Variants in SDK1 observed in about 807,000 individuals in gnomAD.
SDK1 encodes sidekick cell adhesion molecule 1, also known as protein sidekick-1.
In SDK1, 157 loss-of-function variants were observed where a neutral mutation model predicts 245.5. The ratio of observed to expected loss-of-function variants is 0.64; its 90% CI spans 0.56 to 0.73. The LOEUF is 0.73. Ranked by LOEUF, SDK1 falls within the 30% of genes least tolerant of loss-of-function variation. The pLI is 0.00. For missense variants in SDK1, 3,583 were observed against 3,002.3 expected (o/e 1.19, Z -4.52); for synonymous variants, 1,647 against 1,278.5 (o/e 1.29, Z -6.15).
intron 40 of SDK1, among the ~76,000 whole-genome samples, chr7:4,223,105 A>G (rs1381529608): frequency 6.6e-6 from 1 of 151,840 alleles, no homozygotes; most frequent in African/African-American, 2.4e-5. Context: ...AAAAGTTTCT[A>G]GAAGGCACTT....
chr7:3,957,483 A>G (rs1440559226), intron 7 of SDK1, among the ~76,000 whole-genome samples: 2 of 152,230 alleles, frequency 1.3e-5, no homozygotes, highest in Middle Eastern at 3.2e-3. Flanking sequence ...TTCTAAAAAG[A>G]AAACGCTCAA....
intron 1 of SDK1, among the ~76,000 whole-genome samples, chr7:3,313,807 A>C (rs1779603715): frequency 6.6e-6 from 1 of 152,256 alleles, no homozygotes; most frequent in Non-Finnish European, 1.5e-5. Context: ...AGTAAATTTT[A>C]AGTATTCCTA....
At chr7:4,248,003 G>T (rs370398620) in intron 44 of SDK1, among the ~76,000 whole-genome samples, 8 of 152,130 alleles carry the variant, frequency 5.3e-5, no homozygotes, top group Non-Finnish European at 1.2e-4. Flanking sequence ...GTTCCTAAAA[G>T]CATTTTCAAC....
intron 4 of SDK1, among the ~76,000 whole-genome samples, chr7:3,650,299 A>G (rs747535955): frequency 1.3e-5 from 2 of 152,100 alleles, no homozygotes; most frequent in Non-Finnish European, 1.5e-5. Context: ...ACCATCATCC[A>G]TCTTCAGCAC....
intron 13 of SDK1, among the ~76,000 whole-genome samples, chr7:3,983,720 A>G (rs1163358408): frequency 6.6e-6 from 1 of 152,226 alleles, no homozygotes; most frequent in Admixed American, 6.5e-5. Context: ...GATATTGAAC[A>G]CAAGAGATAT....
At chr7:3,622,376 G>A (rs997850217) in intron 2 of SDK1, among the ~76,000 whole-genome samples, 1 of 152,176 alleles carries the variant, frequency 6.6e-6, no homozygotes, top group Non-Finnish European at 1.5e-5. Context: ...AGCTACTTGG[G>A]AGGCTGAGGC....
At chr7:3,763,819 G>A (rs1246914569) in intron 4 of SDK1, among the ~76,000 whole-genome samples, 1 of 152,090 alleles carries the variant, frequency 6.6e-6, no homozygotes, top group East Asian at 1.9e-4. Flanking sequence ...CATTAGAATA[G>A]TATTTACTGA....
chr7:3,842,597 A>G (rs529613859), intron 5 of SDK1, among the ~76,000 whole-genome samples: 3 of 152,246 alleles, frequency 2.0e-5, no homozygotes, highest in East Asian at 1.9e-4. Flanking sequence ...CAGGTGTCCC[A>G]TGGTGCTCCC....
chr7:4,148,981 A>C (rs1780170349), intron 29 of SDK1, among the ~76,000 whole-genome samples: 1 of 152,188 alleles, frequency 6.6e-6, no homozygotes, highest in South Asian at 2.1e-4. Flanking sequence ...CCTTGAACCC[A>C]GGAGACAGAG....
At chr7:3,521,067 TGCCTGAGTTCAGTTTCTTTG>T (rs1782921531) in intron 1 of SDK1, among the ~76,000 whole-genome samples, 1 of 152,172 alleles carries the variant, frequency 6.6e-6, no homozygotes, top group Non-Finnish European at 1.5e-5. Flanking sequence ...TTACTAGAAT[TGCCTGAGTTCAGTTTCTTTG>T]ATTGTCGGAT....
intron 1 of SDK1, among the ~76,000 whole-genome samples, chr7:3,586,977 A>G (rs1274128208): frequency 2.0e-5 from 3 of 152,272 alleles, no homozygotes; most frequent in East Asian, 3.9e-4. Context: ...ATTGTGGTGA[A>G]GCAGACAGCA....
intron 22 of SDK1, among the ~76,000 whole-genome samples, chr7:4,097,503 G>A (rs1043130320): frequency 1.3e-5 from 2 of 152,194 alleles, no homozygotes; most frequent in African/African-American, 2.4e-5. Context: ...ATGCCATCCG[G>A]GACAGACATA....
At position 4,110,677 on chromosome 7, in the gene SDK1, C is replaced by T. The variant is rs369678207; in HGVS notation, c.3339C>T (p.Gly1113=). The T allele has an allele frequency of 6.8e-5, 109 of 1,612,742 alleles. 1 individual carries two copies. Among genetic ancestry groups the T allele is most frequent in the African/African-American group, 4.7e-4 (35 of 74,950 alleles). The change falls in exon 23 of 45, where the codon GGC becomes GGT. Residue 1113 remains glycine, a synonymous_variant. Transcript: ENST00000404826. ...WIVEGQVGAI[G]DEEEWVTLYE... ...CCTCTGCACAGGTGGGAGCTATCGG[C>T]GACGAGGAGGAGTGGGTCACCCTCT...
chr7:3,970,546 T>C (rs770900810), intron 11 of SDK1, among the ~76,000 whole-genome samples: 30 of 152,252 alleles, frequency 2.0e-4, no homozygotes, highest in Admixed American at 1.4e-3. Context: ...AACTTGGCGA[T>C]GACCTTGAGC....
intron 1 of SDK1, among the ~76,000 whole-genome samples, chr7:3,586,778 C>T (rs1226872957): frequency 6.6e-6 from 1 of 151,298 alleles, no homozygotes; most frequent in Non-Finnish European, 1.5e-5. Flanking sequence ...GTAGCCTTAA[C>T]TGTCATCTGG....
At chr7:3,830,782 C>G (rs1428611501) in intron 5 of SDK1, among the ~76,000 whole-genome samples, 1 of 152,150 alleles carries the variant, frequency 6.6e-6, no homozygotes, top group African/African-American at 2.4e-5. Context: ...CAAGAGTGAG[C>G]CACTGCACCT....
chr7:4,095,868 C>T (rs1371599759), intron 22 of SDK1, among the ~76,000 whole-genome samples: 4 of 152,350 alleles, frequency 2.6e-5, no homozygotes, highest in African/African-American at 9.6e-5. Flanking sequence ...GCCACCACGC[C>T]CAGCCTCGCT....
At chr7:3,902,051 G>C (rs781566624) in intron 5 of SDK1, among the ~76,000 whole-genome samples, 1 of 152,040 alleles carries the variant, frequency 6.6e-6, no homozygotes, top group Non-Finnish European at 1.5e-5. Context: ...TCCTGCCCCA[G>C]CCCTGGAATC....
intron 38 of SDK1, among the ~76,000 whole-genome samples, chr7:4,214,418 G>C (rs772409888): frequency 6.6e-6 from 1 of 152,208 alleles, no homozygotes; most frequent in East Asian, 1.9e-4. Flanking sequence ...AAGACCGTCC[G>C]TCACCAGCCT....
Sources: gnomAD v4.1 joint callset for allele counts (sites outside exome capture counted in the v4.1 genomes callset) on GRCh38, gnomAD v4.1.1 for gene constraint, MANE v1.5 for transcripts, NCBI Gene and HGNC (gene_info 2026-07-23, HGNC 2026-07-21) for gene names.